The following PPIE variants were observed in gnomAD, a reference collection of about 807,000 sequenced individuals.
The protein encoded by PPIE is peptidyl-prolyl cis-trans isomerase E.
Under a neutral mutation model 38.4 loss-of-function variants are expected in PPIE, and 20 were observed. That is an observed-to-expected ratio of 0.52 (90% CI 0.37 to 0.76). The LOEUF is 0.76. Ranked by LOEUF, PPIE falls within the 30% of genes least tolerant of loss-of-function variation. PPIE has a pLI of 0.00. For missense variants in PPIE, 322 were observed against 385.8 expected, an observed-to-expected ratio of 0.83 and a Z score of 1.39; for synonymous variants, 142 against 135.7, an observed-to-expected ratio of 1.05 and a Z score of -0.32.
intron 9 of PPIE, chr1:39,762,992 G>A (rs1382715523): frequency 4.2e-6 from 6 of 1,415,074 alleles, no homozygotes; most frequent in African/African-American, 2.8e-5. Flanking sequence ...CCTGAGACGC[G>A]GAGCAGGTGG....
Position 39,753,272 on chromosome 1 carries a change from T to C in PPIE, c.838-15T>C. 1.9e-6 allele frequency: 3 copies of C among 1,613,828 alleles called. No homozygotes were observed. The highest frequency in any genetic ancestry group is 2.5e-6 in the Non-Finnish European group (3 of 1,179,816). On this transcript the variant is annotated splice_polypyrimidine_tract_variant and intron_variant, in intron 9 of 9. Transcript: ENST00000324379. ...GTCTCCGGCCTTACTCCCTCACTTC[T>C]ATTCTGCCACAAAGGCCCAGGGCAG...
intron 7 of PPIE, chr1:39,746,572 G>A (rs1459417844): frequency 6.6e-6 from 1 of 152,252 alleles, no homozygotes; most frequent in African/African-American, 2.4e-5. Flanking sequence ...CTACCAGGTT[G>A]GGGAGGGGTG....
At chr1:39,742,617 C>T (rs1647091002) in intron 4 of PPIE, 2 of 148,510 alleles carry the variant, frequency 1.3e-5, no homozygotes, top group Admixed American at 6.8e-5. Context: ...ACATTTCTTT[C>T]TACCAAGTTA....
At chr1:39,746,678 C>A (rs1226837653) in intron 7 of PPIE, 1 of 152,216 alleles carries the variant, frequency 6.6e-6, no homozygotes, top group Non-Finnish European at 1.5e-5. Context: ...ATTACCTGCA[C>A]CCTTTCCTCT....
At chr1:39,741,055 G>C (rs764596762) in intron 2 of PPIE, among the ~76,000 whole-genome samples, 3 of 152,160 alleles carry the variant, frequency 2.0e-5, no homozygotes, top group Non-Finnish European at 4.4e-5. Flanking sequence ...TAGGTCAAAT[G>C]ACTTTATTTT....
chr1:39,752,486 G>C (rs529644767), intron 8 of PPIE, among the ~76,000 whole-genome samples: 5 of 152,180 alleles, frequency 3.3e-5, no homozygotes, highest in East Asian at 1.9e-4. Flanking sequence ...TACACACACA[G>C]ACACACACAT....
intron 9 of PPIE, among the ~76,000 whole-genome samples, chr1:39,761,909 G>T (rs1263134850): frequency 1.3e-5 from 2 of 152,246 alleles, no homozygotes; most frequent in Non-Finnish European, 2.9e-5. Flanking sequence ...TGCCCAGCAG[G>T]TTACGAGTGC....
At chr1:39,742,168 T>A (rs936396599) in intron 4 of PPIE, 2 of 480,228 alleles carry the variant, frequency 4.2e-6, no homozygotes, top group Non-Finnish European at 7.4e-6. Flanking sequence ...GGCTCTCCCA[T>A]GTTTAGGATA....
At chr1:39,738,966 G>C in intron 1 of PPIE, 35 bp downstream of exon 1, 1 of 1,433,640 alleles carries the variant, frequency 7.0e-7, no homozygotes, top group Non-Finnish European at 9.2e-7. Flanking sequence ...GAGTCTGAGT[G>C]AACGCGACCC....
intron 7 of PPIE, chr1:39,746,425 A>G (rs1184035061): frequency 6.6e-6 from 1 of 152,214 alleles, no homozygotes; most frequent in Non-Finnish European, 1.5e-5. Flanking sequence ...GGCAAGGCTG[A>G]ATTCCTCAAC....
Position 39,755,615 on chromosome 1 carries a change from G to A in PPIE, c.*2260G>A, listed in dbSNP as rs1482624233. On this transcript the variant is annotated 3_prime_UTR_variant, in exon 10 of 10. Coordinates refer to ENST00000324379, the MANE Select transcript of PPIE (RefSeq NM_006112.4). Reference sequence around the variant, plus strand: ...CAGTGCTTGGACGAGAACCAGGAGAGAGTGTGTAGAAAAAGCACAGCCAGC... The same window carrying A: ...CAGTGCTTGGACGAGAACCAGGAGAAAGTGTGTAGAAAAAGCACAGCCAGC... The A allele has an allele frequency of 1.0e-6, 1 of 985,322 alleles. No homozygotes were observed. Among genetic ancestry groups the A allele is most frequent in the Admixed American group, 6.1e-5 (1 of 16,268 alleles). The allele number at this position is 985,322 out of a possible 1,614,324, so 61.0% of individuals were successfully genotyped here. A position where few individuals can be genotyped will look rare whatever the true frequency, so the allele number is the denominator to read the frequency against.
downstream of PPIE, chr1:39,760,054 T>C: frequency 3.7e-6 from 1 of 270,148 alleles, no homozygotes. Flanking sequence ...GCCTCTCAGG[T>C]CATTCCACAT....
chr1:39,743,970 A>T, intron 6 of PPIE, 46 bp downstream of exon 6: 1 of 1,383,940 alleles, frequency 7.2e-7, no homozygotes, highest in Non-Finnish European at 9.9e-7. Context: ...GGCGCTGTCC[A>T]CAGGAGACTT....
At chr1:39,739,304 C>T (rs1647000154) in intron 1 of PPIE, 1 of 223,614 alleles carries the variant, frequency 4.5e-6, no homozygotes. Flanking sequence ...GTGCGTGAAC[C>T]CGAGACGGAA....
Position 39,745,365 on chromosome 1 carries a change from C to G in PPIE, c.385-10C>G. On this transcript the variant is annotated splice_polypyrimidine_tract_variant and intron_variant, in intron 6 of 9. Transcript: ENST00000324379. ...AGCTCTCTCTAACTAGCAATTTCTT[C>G]TGCACCTAGGGAGAGCCCATTGCTA... 1 of 1,614,092 alleles carries G rather than the reference C, an allele frequency of 6.2e-7. No homozygotes were observed. The highest frequency in any genetic ancestry group is 8.5e-7 in the Non-Finnish European group (1 of 1,180,020).
In PPIE at chr1:39,748,900, C is replaced by T. The variant is rs1647398971; in HGVS notation, c.509-3C>T. 1 of 1,611,520 alleles carries T rather than the reference C, an allele frequency of 6.2e-7. No individual in the cohort carries two copies. Among genetic ancestry groups the T allele is most frequent in the Non-Finnish European group, 8.5e-7 (1 of 1,179,256 alleles). On this transcript the variant is annotated splice_region_variant and splice_polypyrimidine_tract_variant and intron_variant, in intron 7 of 9. Coordinates refer to ENST00000324379, the MANE Select transcript of PPIE (RefSeq NM_006112.4). The stretch of plus-strand genomic sequence containing the variant: ...CCAGCGCTTTTTCCTTTCTCAATTC[C>T]AGAGAATTTCCGCTGCCTGTGCACT...
At chr1:39,745,247 C>A (rs892938979) in intron 6 of PPIE, 128 bp from the exon 7 acceptor site, 15 of 1,288,222 alleles carry the variant, frequency 1.2e-5, no homozygotes, top group Non-Finnish European at 1.6e-5. Context: ...GGGCCCAAGG[C>A]CTTCCCCGTC....
chr1:39,763,886 T>C, exon 10 of PPIE: 2 of 1,364,718 alleles, frequency 1.5e-6, no homozygotes, highest in South Asian at 1.3e-5. Flanking sequence ...ATGAGCACAT[T>C]TGTCAAATAA....
At position 39,741,418 on chromosome 1, in the gene PPIE, C is replaced by G. The variant is rs1214360759; in HGVS notation, c.174+9C>G. 6.2e-7 allele frequency: 1 copy of G among 1,613,430 alleles called. No individual in the cohort carries two copies. The highest frequency in any genetic ancestry group is 1.7e-5 in the Admixed American group (1 of 59,986). On this transcript the variant is annotated intron_variant, in intron 3 of 9. Transcript: ENST00000324379. ...AATTTGAGTTGGCAGAGGTGAGAGT[C>G]TGTGTTACTAGTGTCTAGTCCTTGG... is the stretch of plus-strand genomic sequence containing the variant.
Sources: allele counts gnomAD v4.1 joint callset (sites outside exome capture counted in the v4.1 genomes callset), GRCh38; gene constraint gnomAD v4.1.1; transcripts MANE v1.5; gene names NCBI Gene and HGNC (gene_info 2026-07-23, HGNC 2026-07-21).